The following RABGAP1L variants were observed in gnomAD, a reference collection of about 807,000 sequenced individuals.
The protein encoded by RABGAP1L is rab GTPase-activating protein 1-like.
RABGAP1L carries 63 observed loss-of-function variants against 137.7 expected under a neutral mutation model. That is an observed-to-expected ratio of 0.46 (90% CI 0.37 to 0.56). The LOEUF is 0.56. Among genes scored for constraint, RABGAP1L ranks in the 20% least tolerant of loss-of-function variants. The pLI is 0.00. For missense variants in RABGAP1L, 1,095 were observed against 1,244.0 expected (o/e 0.88, Z 1.80); for synonymous variants, 431 against 433.7 (o/e 0.99, Z 0.08).
intron 13 of RABGAP1L, among the ~76,000 whole-genome samples, chr1:174,576,497 G>A (rs543928207): frequency 2.0e-5 from 3 of 152,156 alleles, no homozygotes; most frequent in African/African-American, 4.8e-5. Context: ...CAAATCACAC[G>A]CTGTTGGCTC....
chr1:174,680,842 A>G (rs908959767), intron 14 of RABGAP1L, among the ~76,000 whole-genome samples: 2 of 152,142 alleles, frequency 1.3e-5, no homozygotes, highest in African/African-American at 4.8e-5. Context: ...TGTAGTGATC[A>G]TGCCACCGCA....
chr1:174,225,128 G>T (rs1199642516), intron 3 of RABGAP1L, among the ~76,000 whole-genome samples: 1 of 151,846 alleles, frequency 6.6e-6, no homozygotes, highest in Non-Finnish European at 1.5e-5. Flanking sequence ...TCTTTTCATT[G>T]TTTTCCCTGT....
chr1:174,321,955 T>G (rs1680033282), intron 11 of RABGAP1L, among the ~76,000 whole-genome samples: 1 of 151,964 alleles, frequency 6.6e-6, no homozygotes, highest in South Asian at 2.1e-4. Context: ...CTTGTCTTAC[T>G]GATTTATTAG....
chr1:174,717,480 T>C (rs561717800), intron 17 of RABGAP1L, among the ~76,000 whole-genome samples: 71 of 152,300 alleles, frequency 4.7e-4, no homozygotes, highest in African/African-American at 1.7e-3. Flanking sequence ...AAACCTCTCG[T>C]TTAAGTGCCC....
intron 13 of RABGAP1L, among the ~76,000 whole-genome samples, chr1:174,426,730 C>A (rs1652006228): frequency 6.6e-6 from 1 of 151,842 alleles, no homozygotes; most frequent in South Asian, 2.1e-4. Flanking sequence ...CCCAATTTAC[C>A]ATCTTATTAG....
At position 174,871,428 on chromosome 1, in the gene RABGAP1L, G is replaced by A. The variant is rs144197271; in HGVS notation, c.2340+59468G>A. ...ATTACAGGCATGAGCCACCACACCT[G>A]GCCTGAGTTGCTTTTTTAAAATAAA... On this transcript the variant is annotated intron_variant, in intron 19 of 25. Transcript: ENST00000681986. 3.0e-4 allele frequency among the ~76,000 whole-genome samples: 46 copies of A among 152,276 alleles called. No individual in the cohort carries two copies. In the East Asian group the frequency reaches 7.7e-3, roughly 26 times the overall value.
rs1415296642 is a variant in RABGAP1L, at chr1:174,352,085, G to A, written c.1466-18894G>A. On this transcript the variant is annotated intron_variant, in intron 11 of 25. Transcript: ENST00000681986. Reference sequence around the variant, plus strand: ...GGACTCCCAAAGTGCTGGGATTACAGGCGTGAGCCACCACGCCCGGCCGGG... The same window carrying A: ...GGACTCCCAAAGTGCTGGGATTACAAGCGTGAGCCACCACGCCCGGCCGGG... 2.0e-5 allele frequency among the ~76,000 whole-genome samples: 3 copies of A among 152,256 alleles called. No homozygotes were observed. In the East Asian group the frequency reaches 5.8e-4, roughly 29 times the overall value.
chr1:174,249,237 C>T (rs1339502634), intron 5 of RABGAP1L, among the ~76,000 whole-genome samples: 1 of 152,058 alleles, frequency 6.6e-6, no homozygotes, highest in African/African-American at 2.4e-5. Context: ...TTCTGGGAAC[C>T]CAACACTTAT....
intron 13 of RABGAP1L, among the ~76,000 whole-genome samples, chr1:174,561,028 A>G (rs897617344): frequency 6.6e-6 from 1 of 152,214 alleles, no homozygotes; most frequent in African/African-American, 2.4e-5. Context: ...GTGAACAAAC[A>G]AGGCCCTGAG....
intron 18 of RABGAP1L, among the ~76,000 whole-genome samples, chr1:174,792,578 A>T (rs920268038): frequency 1.3e-5 from 2 of 152,214 alleles, no homozygotes; most frequent in Non-Finnish European, 2.9e-5. Context: ...ATTTTTAGAG[A>T]TGATGGATAA....
intron 13 of RABGAP1L, among the ~76,000 whole-genome samples, chr1:174,550,895 T>TATATATATAC (rs1456087584): frequency 1.6e-3 from 81 of 50,914 alleles, no homozygotes; most frequent in East Asian, 6.2e-3. Flanking sequence ...TATATATATA[T>TATATATATAC]ACACACACAC....
In RABGAP1L at chr1:174,308,499, GTTTAA is replaced by G. The variant is rs528991544; in HGVS notation, c.1465+3378_1465+3382del. 9.2e-4 allele frequency among the ~76,000 whole-genome samples: 140 copies of G among 151,938 alleles called. 1 individual carries two copies. Among genetic ancestry groups the G allele is most frequent in the African/African-American group, 2.5e-3 (102 of 41,518 alleles). Reference sequence around the variant, plus strand: ...TGCTCCCCTTTGTTTTCTTCTAGTAGTTTAATTTAAGTCTTTAATCCATTTTTAGT... The same window carrying G: ...TGCTCCCCTTTGTTTTCTTCTAGTAGTTTAAGTCTTTAATCCATTTTTAGT... On this transcript the variant is annotated intron_variant, in intron 11 of 25. Transcript: ENST00000681986.
intron 13 of RABGAP1L, among the ~76,000 whole-genome samples, chr1:174,632,981 G>A (rs1264725942): frequency 6.6e-6 from 1 of 152,056 alleles, no homozygotes; most frequent in Non-Finnish European, 1.5e-5. Context: ...GCGTTTTAGA[G>A]TTTCCAGTTT....
At position 174,404,476 on chromosome 1, in the gene RABGAP1L, A is replaced by G. The variant is rs555042416; in HGVS notation, c.1710+10331A>G. 2.1e-4 allele frequency among the ~76,000 whole-genome samples: 32 copies of G among 152,300 alleles called. No individual in the cohort carries two copies. In the South Asian group the frequency reaches 6.4e-3, roughly 31 times the overall value. ...GCATCAATGCGTTAAATAGAAACTT[A>G]ATGTAAGTTTATTCTTGTTAGAACA... On this transcript the variant is annotated intron_variant, in intron 13 of 25. Coordinates refer to ENST00000681986, the MANE Select transcript of RABGAP1L (RefSeq NM_001366446.1).
intron 20 of RABGAP1L, chr1:174,964,948 T>C: frequency 1.1e-5 from 17 of 1,508,482 alleles, no homozygotes; most frequent in Non-Finnish European, 1.5e-5. Flanking sequence ...TTTGTACCTA[T>C]GATTGAAAAC....
intron 18 of RABGAP1L, among the ~76,000 whole-genome samples, chr1:174,795,468 C>G (rs1573229998): frequency 1.3e-5 from 2 of 152,170 alleles, no homozygotes; most frequent in East Asian, 3.8e-4. Flanking sequence ...TGCCTTCCTA[C>G]AATTTGTCAC....
chr1:174,231,786 T>A (rs998746915), intron 4 of RABGAP1L, among the ~76,000 whole-genome samples: 1 of 152,048 alleles, frequency 6.6e-6, no homozygotes, highest in African/African-American at 2.4e-5. Context: ...TGCCACACGC[T>A]TTTAAACAAC....
At chr1:174,278,542 T>C in intron 9 of RABGAP1L, 71 bp from the exon 10 acceptor site, 3 of 1,211,358 alleles carry the variant, frequency 2.5e-6, no homozygotes. Flanking sequence ...CTTTCATAAG[T>C]GAGGAAACTT....
chr1:174,404,024 CTTGA>C (rs1296866832), intron 13 of RABGAP1L, among the ~76,000 whole-genome samples: 2 of 152,098 alleles, frequency 1.3e-5, no homozygotes, highest in Non-Finnish European at 2.9e-5. Flanking sequence ...TTCACCAACT[CTTGA>C]TTGATCAACT....
Sources: allele counts gnomAD v4.1 joint callset (sites outside exome capture counted in the v4.1 genomes callset), GRCh38; gene constraint gnomAD v4.1.1; transcripts MANE v1.5; gene names NCBI Gene and HGNC (gene_info 2026-07-23, HGNC 2026-07-21).